Variants in GRIK1 observed in about 807,000 individuals in gnomAD.
GRIK1 encodes glutamate ionotropic receptor kainate type subunit 1, also known as glutamate receptor ionotropic, kainate 1.
Under a neutral mutation model 105.7 loss-of-function variants are expected in GRIK1, and 69 were observed. The ratio of observed to expected loss-of-function variants is 0.65; its 90% CI spans 0.54 to 0.80. GRIK1 has a LOEUF of 0.80. Among genes scored for constraint, GRIK1 ranks in the 30% least tolerant of loss-of-function variants. GRIK1 has a pLI of 0.00. For missense variants in GRIK1, 1,109 were observed against 1,167.3 expected (o/e 0.95, Z 0.73); for synonymous variants, 438 against 431.3 (o/e 1.02, Z -0.19).
intron 1 of GRIK1, among the ~76,000 whole-genome samples, chr21:29,900,949 C>A (rs925769934): frequency 2.7e-4 from 41 of 152,296 alleles, no homozygotes; most frequent in African/African-American, 8.9e-4. Flanking sequence ...TCTCAGACCA[C>A]AGTGCAATCA....
chr21:29,576,823 G>A, intron 14 of GRIK1, 141 bp downstream of exon 14: 1 of 608,492 alleles, frequency 1.6e-6, no homozygotes, highest in South Asian at 2.2e-5. Flanking sequence ...ATGGGATTAT[G>A]TAATTATAAA....
chr21:29,803,730 G>A (rs1236056656), intron 1 of GRIK1, among the ~76,000 whole-genome samples: 1 of 151,736 alleles, frequency 6.6e-6, no homozygotes, highest in East Asian at 1.9e-4. Context: ...ATTGGTAAGT[G>A]AGGAAAAAAA....
chr21:29,689,187 A>C (rs141703810), intron 3 of GRIK1, among the ~76,000 whole-genome samples: 1 of 152,292 alleles, frequency 6.6e-6, no homozygotes, highest in East Asian at 1.9e-4. Context: ...CCAAGCAGGC[A>C]TATTTCCATC....
At chr21:29,759,771 A>G (rs2065460153) in intron 1 of GRIK1, among the ~76,000 whole-genome samples, 1 of 152,202 alleles carries the variant, frequency 6.6e-6, no homozygotes, top group South Asian at 2.1e-4. Flanking sequence ...TGATTTGTCC[A>G]TTATACAAAG....
intron 3 of GRIK1, among the ~76,000 whole-genome samples, chr21:29,688,146 C>T (rs2146706979): frequency 6.6e-6 from 1 of 152,300 alleles, no homozygotes; most frequent in South Asian, 2.1e-4. Flanking sequence ...AAAAATATGG[C>T]TGCTTGTAGC....
chr21:29,825,954 C>G (rs994391097), intron 1 of GRIK1, among the ~76,000 whole-genome samples: 19 of 152,180 alleles, frequency 1.2e-4, no homozygotes, highest in African/African-American at 4.6e-4. Flanking sequence ...ATTTCTGCTT[C>G]TTTTAGAATA....
chr21:29,843,988 C>T (rs2068047130), intron 1 of GRIK1, among the ~76,000 whole-genome samples: 1 of 152,172 alleles, frequency 6.6e-6, no homozygotes, highest in Admixed American at 6.5e-5. Flanking sequence ...GGGAGTAGAA[C>T]TGATACAGGC....
At chr21:29,904,756 G>A (rs2070546059) in intron 1 of GRIK1, among the ~76,000 whole-genome samples, 1 of 152,204 alleles carries the variant, frequency 6.6e-6, no homozygotes, top group African/African-American at 2.4e-5. Context: ...GCTGGAACCA[G>A]GAAGTGTTGA....
intron 12 of GRIK1, among the ~76,000 whole-genome samples, chr21:29,584,026 G>A (rs1483831553): frequency 6.6e-6 from 1 of 152,172 alleles, no homozygotes; most frequent in African/African-American, 2.4e-5. Flanking sequence ...CTTAAAACCT[G>A]TGACAAAACT....
intron 1 of GRIK1, among the ~76,000 whole-genome samples, chr21:29,897,960 G>C (rs1305643362): frequency 6.6e-6 from 1 of 152,164 alleles, no homozygotes; most frequent in Non-Finnish European, 1.5e-5. Context: ...AGAAATATTT[G>C]CAGTTATATT....
chr21:29,937,767 G>C (rs184269204), intron 1 of GRIK1, among the ~76,000 whole-genome samples: 2 of 150,306 alleles, frequency 1.3e-5, no homozygotes, highest in East Asian at 2.0e-4. Flanking sequence ...TAACACACAC[G>C]CTCATTAGTT....
intron 12 of GRIK1, among the ~76,000 whole-genome samples, chr21:29,584,123 T>C (rs117294123): frequency 0.02 from 3,006 of 152,278 alleles, 55 homozygotes; most frequent in Non-Finnish European, 0.03. Context: ...CTTGAAGATA[T>C]AAAACAAGCT....
At chr21:29,607,315 T>C (rs2061643292) in intron 7 of GRIK1, among the ~76,000 whole-genome samples, 1 of 152,058 alleles carries the variant, frequency 6.6e-6, no homozygotes, top group African/African-American at 2.4e-5. Flanking sequence ...TCCTGAGTTA[T>C]TGTGTTCTAT....
chr21:29,605,494 C>T (rs1285927721), intron 7 of GRIK1, among the ~76,000 whole-genome samples: 6 of 152,032 alleles, frequency 3.9e-5, no homozygotes, highest in Non-Finnish European at 7.4e-5. Flanking sequence ...GGTTCCATGT[C>T]TTTGCTATTG....
In GRIK1 at chr21:29,651,101, A is replaced by G. The variant is rs2062726080; in HGVS notation, c.954+17T>C. 1.3e-6 allele frequency: 2 copies of G among 1,572,308 alleles called. No individual in the cohort carries two copies. On this transcript the variant is annotated intron_variant, in intron 6 of 17. Coordinates refer to ENST00000327783, the MANE Select transcript of GRIK1 (RefSeq NM_001330994.2). ...TTCAAATATTCTTGCAAATGATTTT[A>G]TTTGAAAATGACTTACTGTCATCAT... is the stretch of plus-strand genomic sequence containing the variant.
rs113879713 is a variant in GRIK1, at chr21:29,560,889, C to T, written c.2356+735G>A. Among the ~76,000 whole-genome samples, 1,047 of 152,160 alleles carry T rather than the reference C, an allele frequency of 6.9e-3. 14 individuals are homozygous for T. Among genetic ancestry groups the T allele is most frequent in the African/African-American group, 0.024 (976 of 41,518 alleles). ...TGCTGGGATTACAGGCGTGAGCCAT[C>T]GCGCCTGGCCATGATACAGTTTTCT... is the stretch of plus-strand genomic sequence containing the variant. On this transcript the variant is annotated intron_variant, in intron 15 of 17. Coordinates refer to ENST00000327783, the MANE Select transcript of GRIK1 (RefSeq NM_001330994.2).
intron 1 of GRIK1, among the ~76,000 whole-genome samples, chr21:29,802,915 C>T (rs1023029868): frequency 6.6e-6 from 1 of 152,108 alleles, no homozygotes; most frequent in African/African-American, 2.4e-5. Flanking sequence ...CACTATATAA[C>T]GCTGGATGCA....
chr21:29,561,218 C>T (rs533632511), intron 15 of GRIK1, among the ~76,000 whole-genome samples: 7 of 152,204 alleles, frequency 4.6e-5, no homozygotes, highest in African/African-American at 1.7e-4. Flanking sequence ...AACACTAGCC[C>T]TCTCACTTTT....
chr21:29,678,066 C>T (rs1010353065), intron 3 of GRIK1, among the ~76,000 whole-genome samples: 2 of 152,094 alleles, frequency 1.3e-5, no homozygotes. Context: ...GAGTTTGATG[C>T]CATAAGCATG....
Sources: gnomAD v4.1 joint callset for allele counts (sites outside exome capture counted in the v4.1 genomes callset) on GRCh38, gnomAD v4.1.1 for gene constraint, MANE v1.5 for transcripts, NCBI Gene and HGNC (gene_info 2026-07-23, HGNC 2026-07-21) for gene names.